PUF60: variants seen among roughly 807,000 people sequenced by gnomAD.
The protein encoded by PUF60 is poly(U)-binding-splicing factor PUF60.
Under a neutral mutation model 61.8 loss-of-function variants are expected in PUF60, and 10 were observed. The ratio of observed to expected loss-of-function variants is 0.16; its 90% CI spans 0.10 to 0.27. The LOEUF (loss-of-function observed/expected upper bound fraction) is 0.27, where lower values mean the gene tolerates loss of function less well. PUF60 is among the 10% of genes least tolerant of loss of function. The pLI, the probability that PUF60 is intolerant of heterozygous loss-of-function variation, is 1.00. For synonymous variants in PUF60, 353 were observed against 300.9 expected, an observed-to-expected ratio of 1.17 and a Z score of -1.79; for missense variants, 371 against 754.0, an observed-to-expected ratio of 0.49 and a Z score of 5.95.
chr8:143,816,697 C>T lies in PUF60; in HGVS notation c.1503G>A (p.Glu501=), dbSNP rs1394558417. 6.2e-7 allele frequency: 1 copy of T among 1,613,928 alleles called. No individual in the cohort carries two copies. The highest frequency in any genetic ancestry group is 8.5e-7 in the Non-Finnish European group (1 of 1,179,890). ...CTGCATCCTCCTCCTCGCCTTGTTT[C>T]TCTTGGTAGATGATGACGCGGTTCA... The part of the protein sequence containing the change: ...GAVNRVIIYQ[E]KQGEEEDAEI... The change falls in exon 12 of 12, where the codon GAG becomes GAA. Residue 501 remains glutamate, a synonymous_variant. Transcript: ENST00000526683.
At chr8:143,828,413 A>G (rs928977174) in intron 1 of PUF60, among the ~76,000 whole-genome samples, 1 of 152,234 alleles carries the variant, frequency 6.6e-6, no homozygotes, top group African/African-American at 2.4e-5. Flanking sequence ...TAGGTCCTAT[A>G]AGCTAAGTGG....
At chr8:143,828,812 G>A (rs900624227) in intron 1 of PUF60, among the ~76,000 whole-genome samples, 24 of 152,178 alleles carry the variant, frequency 1.6e-4, no homozygotes, top group Admixed American at 7.2e-4. Context: ...CAGGCGTAGT[G>A]AGCCAAGGCC....
chr8:143,825,553 GGCTCTGTT>G (rs1817547092), intron 1 of PUF60, among the ~76,000 whole-genome samples: 1 of 151,980 alleles, frequency 6.6e-6, no homozygotes, highest in Non-Finnish European at 1.5e-5. Flanking sequence ...GACAGGGTCT[GGCTCTGTT>G]GCCCAGGCTA....
chr8:143,824,296 A>G lies in PUF60; in HGVS notation c.111+17T>C. On this transcript the variant is annotated intron_variant, in intron 2 of 11. Coordinates refer to ENST00000526683, the MANE Select transcript of PUF60 (RefSeq NM_078480.3). The stretch of plus-strand genomic sequence containing the variant: ...CAGGCGGGCGGGCCTGAGGGAGAGG[A>G]TGCTTAAGGTCAGTACCTGTGGAGG... 6.3e-7 allele frequency: 1 copy of G among 1,594,540 alleles called. No individual in the cohort carries two copies. The highest frequency in any genetic ancestry group is 1.1e-5 in the South Asian group (1 of 87,652).
chr8:143,818,808 A>C lies in PUF60; in HGVS notation c.349-274T>G. ...GCGGCAGCAAAGCCGACAGATGGTC[A>C]GGAGGCAGGGCTGTGCGCCCTCCCA... is the stretch of plus-strand genomic sequence containing the variant. On this transcript the variant is annotated intron_variant, in intron 5 of 11. Coordinates refer to ENST00000526683, the MANE Select transcript of PUF60 (RefSeq NM_078480.3). The surrounding 1 kb of genome is among the most constrained non-coding windows in gnomAD (Gnocchi z 7.9). The C allele has an allele frequency of 1.9e-6, 1 of 527,976 alleles. No homozygotes were observed. Among genetic ancestry groups the C allele is most frequent in the Non-Finnish European group, 3.4e-6 (1 of 297,386 alleles). The allele number at this position is 527,976 out of a possible 1,614,324, so 32.7% of individuals were successfully genotyped here.
chr8:143,820,284 G>A, intron 5 of PUF60: 3 of 267,998 alleles, frequency 1.1e-5, no homozygotes, highest in Non-Finnish European at 2.1e-5. Flanking sequence ...CTCTCCTCAG[G>A]GGCCTGACCC....
At chr8:143,824,266 G>C (rs1238487779) in intron 2 of PUF60, 47 bp downstream of exon 2, 1 of 1,468,832 alleles carries the variant, frequency 6.8e-7, no homozygotes, top group Non-Finnish European at 9.2e-7. Flanking sequence ...GGGCGGGCGG[G>C]CGGGCAGGCG....
rs779238569 is a variant in PUF60, at chr8:143,817,543, CA to C, written c.1008+48del. 1.2e-5 allele frequency: 19 copies of C among 1,608,448 alleles called. No individual in the cohort carries two copies. In the South Asian group the frequency reaches 2.0e-4, roughly 17 times the overall value. On this transcript the variant is annotated intron_variant, in intron 9 of 11. Coordinates refer to ENST00000526683, the MANE Select transcript of PUF60 (RefSeq NM_078480.3). This position sits in a 1 kb window ranked among gnomAD's most constrained non-coding sequence, Gnocchi z 7.4. ...CACCTTGAATCAGTCTCCAAGGAAT[CA>C]GGGGCCAGCCCGCCCACCCTCAAGC...
chr8:143,822,763 G>A (rs1472347410), intron 2 of PUF60: 1 of 350,792 alleles, frequency 2.9e-6, no homozygotes, highest in African/African-American at 2.1e-5. Context: ...AGCTGTGTGA[G>A]CAGGGAGGCA....
intron 4 of PUF60, among the ~76,000 whole-genome samples, 163 bp from the exon 5 acceptor site, chr8:143,820,879 G>A (rs781659241): frequency 1.3e-5 from 2 of 152,162 alleles, no homozygotes; most frequent in African/African-American, 2.4e-5. Flanking sequence ...CAGGGGGGCC[G>A]CAGCGCCCCA....
Position 143,829,103 on chromosome 8 carries a change from CG to C in PUF60, c.24+176del, listed in dbSNP as rs1818003284. 2 of 1,134,684 alleles carry C rather than the reference CG, an allele frequency of 1.8e-6. 1 individual carries two copies. Among genetic ancestry groups the C allele is most frequent in the African/African-American group, 3.3e-5 (2 of 60,816 alleles). 70.3% of individuals were successfully genotyped at this position (1,134,684 alleles called of 1,614,324 possible). A position where few individuals can be genotyped will look rare whatever the true frequency, so the allele number is the denominator to read the frequency against. The stretch of plus-strand genomic sequence containing the variant: ...CAGGCCGGAAGCTGAGGCCGCGAGC[CG>C]GCCGCCGGCGCGCGCCCGCCCCGCC... On this transcript the variant is annotated intron_variant, in intron 1 of 11. Transcript: ENST00000526683.
At chr8:143,822,062 T>G (rs558281538) in intron 2 of PUF60, 149 bp from the exon 3 acceptor site, 1 of 643,110 alleles carries the variant, frequency 1.6e-6, no homozygotes, top group Admixed American at 3.0e-5. Flanking sequence ...CCCAGGCCAC[T>G]GTCTCCCCCG....
chr8:143,829,172 A>G (rs1187523388), intron 1 of PUF60, 108 bp downstream of exon 1: 2 of 1,222,302 alleles, frequency 1.6e-6, no homozygotes, highest in Non-Finnish European at 2.0e-6. Flanking sequence ...TCCGCGCGGG[A>G]CCTGGGAAGA....
chr8:143,820,739 T>G (rs769826630), intron 4 of PUF60, 23 bp from the exon 5 acceptor site: 1 of 1,609,050 alleles, frequency 6.2e-7, no homozygotes, highest in Non-Finnish European at 8.5e-7. Context: ...AAAGACAGAG[T>G]TCAGTCTGTT....
Position 143,817,515 on chromosome 8 carries a change from G to A in PUF60, c.1009-49C>T, listed in dbSNP as rs1816489711. The A allele has an allele frequency of 6.2e-6, 10 of 1,607,972 alleles. 1 individual carries two copies. In the East Asian group the frequency reaches 2.0e-4, roughly 32 times the overall value. Reference sequence around the variant, plus strand: ...CTCAGTCCCTGGTCTGGCTACTCAAGACCACCTTGAATCAGTCTCCAAGGA... The same window carrying A: ...CTCAGTCCCTGGTCTGGCTACTCAAAACCACCTTGAATCAGTCTCCAAGGA... On this transcript the variant is annotated intron_variant, in intron 9 of 11. Transcript: ENST00000526683. This position sits in a 1 kb window ranked among gnomAD's most constrained non-coding sequence, Gnocchi z 7.4.
Position 143,818,872 on chromosome 8 carries a change from G to A in PUF60, c.349-338C>T, listed in dbSNP as rs1298889882. The A allele has an allele frequency of 2.9e-6, 1 of 340,600 alleles. No homozygotes were observed. 21.1% of individuals were successfully genotyped at this position (340,600 alleles called of 1,614,324 possible). A position where few individuals can be genotyped will look rare whatever the true frequency, so the allele number is the denominator to read the frequency against. On this transcript the variant is annotated intron_variant, in intron 5 of 11. Transcript: ENST00000526683. This position sits in a 1 kb window ranked among gnomAD's most constrained non-coding sequence, Gnocchi z 7.9. ...TCCAGTCTGGGGGCTGGGTATCCCA[G>A]GCTGGGCTGGGAGATCCTCCCACTG...
chr8:143,824,256 GGGCGGGCGGGCGGGCA>G lies in PUF60; in HGVS notation c.111+41_111+56del, dbSNP rs952524348. On this transcript the variant is annotated intron_variant, in intron 2 of 11. Coordinates refer to ENST00000526683, the MANE Select transcript of PUF60 (RefSeq NM_078480.3). ...TGGGCCCAGGGACGCACAGGCAGGCGGGCGGGCGGGCGGGCAGGCGGGCGGGCCTGAGGGAGAGGAT... is the reference window on the plus strand; with the variant it reads ...TGGGCCCAGGGACGCACAGGCAGGCGGGCGGGCGGGCCTGAGGGAGAGGAT... 3,321 of 1,398,184 alleles carry G rather than the reference GGGCGGGCGGGCGGGCA, an allele frequency of 2.4e-3. 39 individuals carry two copies. In the East Asian group the frequency reaches 0.03, roughly 13 times the overall value. 86.6% of individuals were successfully genotyped at this position (1,398,184 alleles called of 1,614,324 possible). A position where few individuals can be genotyped will look rare whatever the true frequency, so the allele number is the denominator to read the frequency against.
In PUF60 at chr8:143,818,608, C is replaced by A. The variant is rs1172914597; in HGVS notation, c.349-74G>T. 4.8e-6 allele frequency: 7 copies of A among 1,451,950 alleles called. No individual in the cohort carries two copies. The highest frequency in any genetic ancestry group is 5.5e-6 in the Non-Finnish European group (6 of 1,088,526). The allele number at this position is 1,451,950 out of a possible 1,614,324, so 89.9% of individuals were successfully genotyped here. A position where few individuals can be genotyped will look rare whatever the true frequency, so the allele number is the denominator to read the frequency against. On this transcript the variant is annotated intron_variant, in intron 5 of 11. Coordinates refer to ENST00000526683, the MANE Select transcript of PUF60 (RefSeq NM_078480.3). The surrounding 1 kb of genome is among the most constrained non-coding windows in gnomAD (Gnocchi z 7.9). ...GGAAGCTGGGCAGCCCACTCCCCTCCTGGCCCACCCACCCAGCCCTGCTGT... is the reference window on the plus strand; with the variant it reads ...GGAAGCTGGGCAGCCCACTCCCCTCATGGCCCACCCACCCAGCCCTGCTGT...
rs771905228 is a variant in PUF60, at chr8:143,816,511, G to A, written c.*9C>T. On this transcript the variant is annotated 3_prime_UTR_variant, in exon 12 of 12. Coordinates refer to ENST00000526683, the MANE Select transcript of PUF60 (RefSeq NM_078480.3). ...GGAACAAGTGCAAGTCCGGGGAGAG[G>A]GACCACTGTCACGCAGAGAGGTCAC... 2 of 1,599,602 alleles carry A rather than the reference G, an allele frequency of 1.3e-6. No individual in the cohort carries two copies. The highest frequency in any genetic ancestry group is 1.7e-6 in the Non-Finnish European group (2 of 1,172,210).
Sources: allele counts gnomAD v4.1 joint callset (sites outside exome capture counted in the v4.1 genomes callset), GRCh38; gene constraint gnomAD v4.1.1; non-coding constraint Gnocchi (gnomAD v3.1); transcripts MANE v1.5; gene names NCBI Gene and HGNC (gene_info 2026-07-23, HGNC 2026-07-21).